CLYBL: variants seen among roughly 807,000 people sequenced by gnomAD.
CLYBL encodes the protein citramalyl-CoA lyase, mitochondrial.
A neutral mutation model predicts 38.9 loss-of-function variants in CLYBL; 31 were observed. The observed-to-expected ratio is 0.80, with a 90% confidence interval of 0.60 to 1.08. The LOEUF is 1.08. CLYBL is among the 50% of genes least tolerant of loss of function. The pLI is 0.00. For missense variants in CLYBL, 434 were observed against 411.6 expected, an observed-to-expected ratio of 1.05 and a Z score of -0.47; for synonymous variants, 171 against 158.6, an observed-to-expected ratio of 1.08 and a Z score of -0.59.
chr13:99,850,464 A>G (rs2076699556), intron 2 of CLYBL, among the ~76,000 whole-genome samples: 1 of 152,248 alleles, frequency 6.6e-6, no homozygotes, highest in South Asian at 2.1e-4. Context: ...GAGCATGCAC[A>G]TCACACCACT....
At chr13:99,794,602 A>ATTATTATTATTATTATTATTATTC (rs2049985907) in intron 2 of CLYBL, among the ~76,000 whole-genome samples, 2 of 149,544 alleles carry the variant, frequency 1.3e-5, no homozygotes, top group Non-Finnish European at 3.0e-5. Flanking sequence ...TATTATTATT[A>ATTATTATTATTATTATTATTATTC]TTATTTTGAG....
intron 1 of CLYBL, among the ~76,000 whole-genome samples, chr13:99,759,691 A>G (rs2049130019): frequency 6.6e-6 from 1 of 152,162 alleles, no homozygotes; most frequent in African/African-American, 2.4e-5. Flanking sequence ...TAATAATACT[A>G]TAGTAGCTGT....
In CLYBL at chr13:99,785,020, G is replaced by A. The variant is rs534898537; in HGVS notation, c.249+12010G>A. ...GATTCTCCTGTCCTCAGCCTCCTGA[G>A]TAGCTGGGACTGCAGATGTGCACCA... On this transcript the variant is annotated intron_variant, in intron 2 of 8. Transcript: ENST00000339105. Among the ~76,000 whole-genome samples, 5 of 151,740 alleles carry A rather than the reference G, an allele frequency of 3.3e-5. No homozygotes were observed. In the South Asian group the frequency reaches 1.0e-3, roughly 32 times the overall value.
chr13:99,606,710 G>A lies in CLYBL; in HGVS notation c.15G>A (p.Leu5=), dbSNP rs1222420781. 2 of 1,493,818 alleles carry A rather than the reference G, an allele frequency of 1.3e-6. No individual in the cohort carries two copies. The highest frequency in any genetic ancestry group is 1.5e-5 in the African/African-American group (1 of 68,660). The allele number at this position is 1,493,818 out of a possible 1,614,324, so 92.5% of individuals were successfully genotyped here. A position where few individuals can be genotyped will look rare whatever the true frequency, so the allele number is the denominator to read the frequency against. Residue 5 remains leucine (L), a synonymous_variant, in exon 1 of 9, where the codon CTG becomes CTA. Transcript: ENST00000339105. The part of the protein sequence containing the change: MALR[L]LRRAARGAAA... The stretch of plus-strand genomic sequence containing the variant: ...GCGTCGGGAAGATGGCGCTACGTCT[G>A]CTGCGGAGGGCGGCGCGCGGAGCTG...
intron 7 of CLYBL, among the ~76,000 whole-genome samples, chr13:99,879,689 T>G (rs2052146073): frequency 6.6e-6 from 1 of 152,230 alleles, no homozygotes; most frequent in Admixed American, 6.5e-5. Context: ...CTGTTTCTAT[T>G]CATTGTATTT....
At chr13:99,707,365 G>A (rs1261834522) in intron 1 of CLYBL, among the ~76,000 whole-genome samples, 1 of 152,050 alleles carries the variant, frequency 6.6e-6, no homozygotes, top group African/African-American at 2.4e-5. Flanking sequence ...CGCCTCCCGG[G>A]TTCAAGCAAT....
At chr13:99,754,386 T>C (rs2049014546) in intron 1 of CLYBL, among the ~76,000 whole-genome samples, 1 of 126,836 alleles carries the variant, frequency 7.9e-6, no homozygotes, top group African/African-American at 3.1e-5. Flanking sequence ...CACTGCACTC[T>C]AGCCTGGGCA....
intron 1 of CLYBL, among the ~76,000 whole-genome samples, chr13:99,758,118 A>C (rs921474346): frequency 6.6e-6 from 1 of 152,164 alleles, no homozygotes; most frequent in African/African-American, 2.4e-5. Flanking sequence ...TTACTAATGA[A>C]TTTAATTTGA....
chr13:99,696,656 A>G (rs192933674), intron 1 of CLYBL, among the ~76,000 whole-genome samples: 4 of 152,058 alleles, frequency 2.6e-5, no homozygotes, highest in African/African-American at 9.7e-5. Context: ...GAAAAAAAAA[A>G]GTATGAGGCT....
chr13:99,635,449 C>A (rs2047005686), intron 1 of CLYBL, among the ~76,000 whole-genome samples: 1 of 152,154 alleles, frequency 6.6e-6, no homozygotes, highest in Admixed American at 6.5e-5. Flanking sequence ...GGTCCACCCT[C>A]ATCTCCCAGT....
chr13:99,762,218 G>A (rs1211490326), intron 1 of CLYBL, among the ~76,000 whole-genome samples: 2 of 151,938 alleles, frequency 1.3e-5, no homozygotes, highest in Non-Finnish European at 2.9e-5. Context: ...TGCTTTTGGG[G>A]TCTTACACAA....
rs770517871 is a variant in CLYBL at position 99,858,891 on chromosome 13, C to G, written c.280C>G (p.Leu94Val). ...AGCTCGACTGAGAATTGTAAAAACT[C>G]TTGAAGACATTGATCTGGGCCCTAC... ...NEARLRIVKT[L>V]EDIDLGPTEK... Residue 94 changes from leucine to valine, a missense_variant, in exon 3 of 9, where the codon CTT becomes GTT. Physicochemically the swap from Leu to Val is conservative, Grantham distance 32. Coordinates refer to ENST00000339105, the MANE Select transcript of CLYBL (RefSeq NM_206808.5). 11 of 1,610,064 alleles carry G rather than the reference C, an allele frequency of 6.8e-6. No individual in the cohort carries two copies. In the Admixed American group the frequency reaches 1.5e-4, roughly 22 times the overall value.
At chr13:99,608,220 C>T (rs1255150127) in intron 1 of CLYBL, among the ~76,000 whole-genome samples, 2 of 151,764 alleles carry the variant, frequency 1.3e-5, no homozygotes, top group East Asian at 3.9e-4. Context: ...TACAGGGCGT[C>T]CGCCACCATG....
At chr13:99,909,361 T>C (rs1055170844) in exon 10 of CLYBL, among the ~76,000 whole-genome samples, 5 of 152,236 alleles carry the variant, frequency 3.3e-5, no homozygotes, top group Non-Finnish European at 5.9e-5. Context: ...GAGTGAATGT[T>C]TGTAAAACAG....
chr13:99,698,086 A>C (rs2048007237), intron 1 of CLYBL, among the ~76,000 whole-genome samples: 1 of 152,230 alleles, frequency 6.6e-6, no homozygotes, highest in Non-Finnish European at 1.5e-5. Flanking sequence ...AATTTCAGGA[A>C]GCCTCACAGG....
intron 2 of CLYBL, among the ~76,000 whole-genome samples, chr13:99,773,828 AT>A (rs2049453403): frequency 1.3e-5 from 2 of 152,036 alleles, no homozygotes; most frequent in South Asian, 4.1e-4. Flanking sequence ...ATAAATCACC[AT>A]TTTCTCTACT....
intron 6 of CLYBL, among the ~76,000 whole-genome samples, chr13:99,870,199 T>C (rs1292615266): frequency 6.6e-6 from 1 of 152,172 alleles, no homozygotes; most frequent in Non-Finnish European, 1.5e-5. Flanking sequence ...AGGGAAAATC[T>C]GGGTATATTT....
Position 99,772,887 on chromosome 13 carries a change from C to T in CLYBL, c.126C>T (p.Tyr42=), listed in dbSNP as rs964464304. ...ATAGTTCCTCATCCCATCACAAGTACATCCCCCGGAGGGCAGTGCTTTATG... is the reference window on the plus strand; with the variant it reads ...ATAGTTCCTCATCCCATCACAAGTATATCCCCCGGAGGGCAGTGCTTTATG... The part of the protein sequence containing the change: ...LGYSSSSHHK[Y]IPRRAVLYVP... The change falls in exon 2 of 9, where the codon TAC becomes TAT. Residue 42 remains tyrosine (Y), a synonymous_variant. Coordinates refer to ENST00000339105, the MANE Select transcript of CLYBL (RefSeq NM_206808.5). 5 of 1,613,038 alleles carry T rather than the reference C, an allele frequency of 3.1e-6. No homozygotes were observed. Among genetic ancestry groups the T allele is most frequent in the African/African-American group, 2.7e-5 (2 of 74,854 alleles).
In CLYBL at chr13:99,865,518, G is replaced by C. The variant is rs1016015167; in HGVS notation, c.634+607G>C. On this transcript the variant is annotated intron_variant, in intron 5 of 8. Coordinates refer to ENST00000339105, the MANE Select transcript of CLYBL (RefSeq NM_206808.5). The surrounding 1 kb of genome is among the most constrained non-coding windows in gnomAD (Gnocchi z 4.7). ...CCGTGAAGCATTTAGAAAAGAGGCC[G>C]AGGCCACAGAAACCAGCCCCAGTGA... 6.6e-6 allele frequency among the ~76,000 whole-genome samples: 1 copy of C among 152,178 alleles called. No homozygotes were observed. Among genetic ancestry groups the C allele is most frequent in the South Asian group, 2.1e-4 (1 of 4,830 alleles).
Sources: gnomAD v4.1 joint callset for allele counts (sites outside exome capture counted in the v4.1 genomes callset) on GRCh38, gnomAD v4.1.1 for gene constraint, Gnocchi (gnomAD v3.1) non-coding constraint, MANE v1.5 for transcripts, NCBI Gene and HGNC (gene_info 2026-07-23, HGNC 2026-07-21) for gene names.